The following MAPKBP1 variants were observed in gnomAD, a reference collection of about 807,000 sequenced individuals.
The protein encoded by MAPKBP1 is mitogen-activated protein kinase-binding protein 1.
MAPKBP1 carries 71 observed loss-of-function variants against 170.5 expected under a neutral mutation model. The observed-to-expected ratio is 0.42, with a 90% CI of 0.34 to 0.51. The LOEUF is 0.51. Ranked by LOEUF, MAPKBP1 falls within the 20% of genes least tolerant of loss-of-function variation. MAPKBP1 has a pLI of 0.06. For synonymous variants in MAPKBP1, 719 were observed against 757.9 expected, an observed-to-expected ratio of 0.95 and a Z score of 0.84; for missense variants, 1,598 against 1,933.0, an observed-to-expected ratio of 0.83 and a Z score of 3.25.
chr15:41,813,058 A>C lies in MAPKBP1; in HGVS notation c.776A>C (p.Glu259Ala). ...FCITSSGLLC[E>A]FSDRRLLDKW... Reference sequence around the variant, plus strand: ...ATCACGTCCTCAGGGCTGCTGTGCGAGTTCAGTGATCGAAGGCTTTTGGAC... The same window carrying C: ...ATCACGTCCTCAGGGCTGCTGTGCGCGTTCAGTGATCGAAGGCTTTTGGAC... The change falls in exon 8 of 31, where the codon GAG becomes GCG. Residue 259 changes from glutamate to alanine, a missense_variant. By Grantham distance (107) the Glu-to-Ala change is moderately radical (BLOSUM62 -1). Transcript: ENST00000457542. 7 of 1,612,708 alleles carry C rather than the reference A, an allele frequency of 4.3e-6. No individual in the cohort carries two copies. Among genetic ancestry groups the C allele is most frequent in the Non-Finnish European group, 5.9e-6 (7 of 1,179,282 alleles).
At chr15:41,782,045 G>A (rs1241076125) in intron 2 of MAPKBP1, among the ~76,000 whole-genome samples, 17 of 145,052 alleles carry the variant, frequency 1.2e-4, no homozygotes, top group Admixed American at 8.4e-4. Context: ...TCAGGAGATC[G>A]AGACCATCCT....
chr15:41,823,190 A>C lies in MAPKBP1; in HGVS notation c.3566A>C (p.Lys1189Thr), dbSNP rs1302450180. 3 of 1,613,718 alleles carry C rather than the reference A, an allele frequency of 1.9e-6. No homozygotes were observed. The highest frequency in any genetic ancestry group is 1.7e-6 in the Non-Finnish European group (2 of 1,180,024). Residue 1189 changes from lysine to threonine, a missense_variant, in exon 28 of 31, where the codon AAG (lysine) becomes ACG (threonine). Lys to Thr is a moderately conservative substitution (Grantham distance 78). Transcript: ENST00000457542. ...GCCAGCCCCTTTTCTGGACTCCAGA[A>C]GGCCCAGTCTGTGCACAGTCTGGTG... ...ATASPFSGLQ[K>T]AQSVHSLVPQ... is the part of the protein sequence containing the mutation.
intron 23 of MAPKBP1, 32 bp from the exon 24 acceptor site, chr15:41,821,552 T>G: frequency 6.2e-7 from 1 of 1,606,680 alleles, no homozygotes; most frequent in African/African-American, 1.3e-5. Context: ...CTGTCACCTC[T>G]GCTCTGTTAA....
At chr15:41,819,155 C>T (rs2064943299) in intron 20 of MAPKBP1, 91 bp from the exon 21 acceptor site, 1 of 1,510,172 alleles carries the variant, frequency 6.6e-7, no homozygotes, top group Non-Finnish European at 9.1e-7. Context: ...ATCTTCCCCT[C>T]ATTGAGTCTC....
At chr15:41,801,659 C>T (rs1034582702) in intron 3 of MAPKBP1, among the ~76,000 whole-genome samples, 1 of 152,242 alleles carries the variant, frequency 6.6e-6, no homozygotes, top group Middle Eastern at 3.4e-3. Flanking sequence ...ACCAGCCTGG[C>T]CAACATGTTG....
chr15:41,774,687 C>A (rs866110928), intron 1 of MAPKBP1, 77 bp downstream of exon 1: 45 of 398,840 alleles, frequency 1.1e-4, no homozygotes, highest in Middle Eastern at 1.3e-3. Context: ...GGTCCAGAGC[C>A]GCTGTGGAGG....
At chr15:41,819,556 G>GGGT (rs151281998) in intron 21 of MAPKBP1, 39 bp from the exon 22 acceptor site, 38 of 1,347,554 alleles carry the variant, frequency 2.8e-5, no homozygotes, top group Non-Finnish European at 3.1e-5. Context: ...GCGGGGGGGG[G>GGGT]GCAGGAGACA....
At position 41,825,480 on chromosome 15, in the gene MAPKBP1, C is replaced by A; in HGVS notation, c.*44C>A. ...AAGTGAATGAATGCTCCAGCGATTC[C>A]AAACTGCAGCCCCTCTGCCCCTCAC... On this transcript the variant is annotated 3_prime_UTR_variant, in exon 31 of 31. Coordinates refer to ENST00000457542, the MANE Select transcript of MAPKBP1 (RefSeq NM_014994.3). 6.7e-7 allele frequency: 1 copy of A among 1,499,952 alleles called. No individual in the cohort carries two copies. Among genetic ancestry groups the A allele is most frequent in the Non-Finnish European group, 9.0e-7 (1 of 1,107,656 alleles). 92.9% of individuals were successfully genotyped at this position (1,499,952 alleles called of 1,614,324 possible). A position where few individuals can be genotyped will look rare whatever the true frequency, so the allele number is the denominator to read the frequency against.
rs1233484284 is a variant in MAPKBP1, at chr15:41,813,713, G to T, written c.912G>T (p.Leu304=). 6.2e-7 allele frequency: 1 copy of T among 1,613,572 alleles called. No homozygotes were observed. Among genetic ancestry groups the T allele is most frequent in the Non-Finnish European group, 8.5e-7 (1 of 1,179,872 alleles). The change falls in exon 9 of 31, where the codon CTG becomes CTT. Residue 304 remains leucine (L), a synonymous_variant. Coordinates refer to ENST00000457542, the MANE Select transcript of MAPKBP1 (RefSeq NM_014994.3). ...TGCGCCTTTTCAACCCCTCTAACCT[G>T]CACTTCCTTAGCACCTTGCCCCGAC... ...GTVRLFNPSN[L]HFLSTLPRPH... is the part of the protein sequence containing the mutation.
At chr15:41,789,838 A>G (rs1351902401) in intron 2 of MAPKBP1, among the ~76,000 whole-genome samples, 1 of 152,158 alleles carries the variant, frequency 6.6e-6, no homozygotes. Flanking sequence ...TCTGCCTTCT[A>G]TCTTGGCTCT....
chr15:41,797,787 A>C (rs2064516896), intron 2 of MAPKBP1, among the ~76,000 whole-genome samples: 1 of 152,192 alleles, frequency 6.6e-6, no homozygotes, highest in Admixed American at 6.5e-5. Flanking sequence ...GAGCAGACAC[A>C]TGTTAGAATT....
rs1228211225 is a variant in MAPKBP1 at position 41,823,756 on chromosome 15, C to T, written c.3908C>T (p.Thr1303Ile). 1.9e-5 allele frequency: 30 copies of T among 1,614,172 alleles called. No individual in the cohort carries two copies. Among genetic ancestry groups the T allele is most frequent in the Non-Finnish European group, 2.5e-5 (30 of 1,180,026 alleles). Reference sequence around the variant, plus strand: ...CCCAAACCACTGCCTGACCGTCCTACCCTGGCTGCATTCTCTCCTGTCACC... The same window carrying T: ...CCCAAACCACTGCCTGACCGTCCTATCCTGGCTGCATTCTCTCCTGTCACC... ...DIPKPLPDRPTLAAFSPVTKG... is the reference protein window; with the variant it reads ...DIPKPLPDRPILAAFSPVTKG... The change falls in exon 29 of 31, where the codon ACC becomes ATC. Residue 1303 changes from threonine to isoleucine, a missense_variant. This residue lies in a region of MAPKBP1 where 942 missense variants were observed against 953.2 expected (regional missense o/e 0.99). Coordinates refer to ENST00000457542, the MANE Select transcript of MAPKBP1 (RefSeq NM_014994.3).
chr15:41,783,848 A>G (rs1385024315), intron 2 of MAPKBP1, among the ~76,000 whole-genome samples: 1 of 152,182 alleles, frequency 6.6e-6, no homozygotes, highest in Admixed American at 6.5e-5. Flanking sequence ...TCTCTACTAA[A>G]AACACAAAAA....
At chr15:41,780,759 TAA>T (rs5812202) in intron 2 of MAPKBP1, among the ~76,000 whole-genome samples, 28 of 138,990 alleles carry the variant, frequency 2.0e-4, no homozygotes, top group Admixed American at 2.9e-4. Context: ...TCTGTTACCT[TAA>T]AAAAAAAAAA....
intron 20 of MAPKBP1, 75 bp downstream of exon 20, chr15:41,819,032 G>A: frequency 6.3e-7 from 1 of 1,587,018 alleles, no homozygotes; most frequent in South Asian, 1.1e-5. Context: ...CTTCCTCCAT[G>A]CTTTGGGCCT....
intron 2 of MAPKBP1, among the ~76,000 whole-genome samples, chr15:41,777,442 G>A (rs1256866167): frequency 6.6e-6 from 1 of 152,048 alleles, no homozygotes; most frequent in East Asian, 1.9e-4. Flanking sequence ...AGTGGAAAAG[G>A]GGCATCCCTG....
At chr15:41,815,471 T>G in intron 11 of MAPKBP1, 66 bp downstream of exon 11, 4 of 1,592,568 alleles carry the variant, frequency 2.5e-6, no homozygotes, top group Non-Finnish European at 3.4e-6. Flanking sequence ...CTATTGCACC[T>G]TGTTACTGGG....
Position 41,819,554 on chromosome 15 carries a change from G to GGGT in MAPKBP1, c.2426-39_2426-38insTGG, listed in dbSNP as rs1555454078. ...GGCTCCAGGGTTGGGTGGCGGGGGG[G>GGGT]GGGCAGGAGACACTTCCTCTGACTG... On this transcript the variant is annotated intron_variant, in intron 21 of 30. Coordinates refer to ENST00000457542, the MANE Select transcript of MAPKBP1 (RefSeq NM_014994.3). 8.7e-6 allele frequency: 13 copies of GGGT among 1,495,296 alleles called. No homozygotes were observed. The South Asian group carries it at 1.0e-4, about 12-fold the overall frequency. 92.6% of individuals were successfully genotyped at this position (1,495,296 alleles called of 1,614,324 possible).
Position 41,818,064 on chromosome 15 carries a change from G to C in MAPKBP1, c.1960G>C (p.Glu654Gln), listed in dbSNP as rs1420810294. The C allele has an allele frequency of 6.2e-7, 1 of 1,614,040 alleles. No homozygotes were observed. Among genetic ancestry groups the C allele is most frequent in the African/African-American group, 1.3e-5 (1 of 74,912 alleles). The change falls in exon 17 of 31, where the codon GAG becomes CAG. Residue 654 changes from glutamate (E) to glutamine (Q), a missense_variant. Coordinates refer to ENST00000457542, the MANE Select transcript of MAPKBP1 (RefSeq NM_014994.3). The surrounding 1 kb of genome is among the most constrained non-coding windows in gnomAD (Gnocchi z 5.2). ...QKKLFKGSQG[E>Q]DGTLIKVQTD... ...GAAGCTGTTTAAAGGGTCACAGGGT[G>C]AGGACGGCACACTCATTAAGGTAAG...
Sources: gnomAD v4.1 joint callset for allele counts (sites outside exome capture counted in the v4.1 genomes callset) on GRCh38, gnomAD v4.1.1 for gene constraint, gnomAD v4.1.1 regional missense constraint, Gnocchi (gnomAD v3.1) non-coding constraint, MANE v1.5 for transcripts, NCBI Gene and HGNC (gene_info 2026-07-23, HGNC 2026-07-21) for gene names.